SDK1: variants seen among roughly 807,000 people sequenced by gnomAD.
SDK1 encodes sidekick cell adhesion molecule 1, also known as protein sidekick-1.
SDK1 carries 157 observed loss-of-function variants against 245.5 expected under a neutral mutation model. The observed-to-expected ratio is 0.64, with a 90% CI of 0.56 to 0.73. The LOEUF (loss-of-function observed/expected upper bound fraction) is 0.73, where lower values mean the gene tolerates loss of function less well. Ranked by LOEUF, SDK1 falls within the 30% of genes least tolerant of loss-of-function variation. SDK1 has a pLI of 0.00. For synonymous variants in SDK1, 1,647 were observed against 1,278.5 expected, an observed-to-expected ratio of 1.29 and a Z score of -6.15; for missense variants, 3,583 against 3,002.3, an observed-to-expected ratio of 1.19 and a Z score of -4.52.
At chr7:3,516,162 T>C (rs1379455230) in intron 1 of SDK1, among the ~76,000 whole-genome samples, 3 of 151,544 alleles carry the variant, frequency 2.0e-5, no homozygotes. Flanking sequence ...TTTGCATGTA[T>C]ATAAACATAT....
At chr7:3,512,633 G>C (rs1432981785) in intron 1 of SDK1, among the ~76,000 whole-genome samples, 1 of 152,162 alleles carries the variant, frequency 6.6e-6, no homozygotes, top group East Asian at 1.9e-4. Flanking sequence ...GTGTTGTCTG[G>C]ATTTTGGCCA....
intron 1 of SDK1, among the ~76,000 whole-genome samples, chr7:3,315,420 T>C (rs1043461435): frequency 6.6e-6 from 1 of 152,154 alleles, no homozygotes; most frequent in Non-Finnish European, 1.5e-5. Flanking sequence ...CACCCCTGTC[T>C]CTGGAGCCCC....
chr7:3,395,531 C>T (rs1184759577), intron 1 of SDK1, among the ~76,000 whole-genome samples: 2 of 151,774 alleles, frequency 1.3e-5, no homozygotes, highest in Non-Finnish European at 2.9e-5. Context: ...CTTAAATCTA[C>T]TTCTTATACT....
chr7:3,521,185 C>T (rs1028255817), intron 1 of SDK1, among the ~76,000 whole-genome samples: 3 of 152,124 alleles, frequency 2.0e-5, no homozygotes, highest in African/African-American at 7.2e-5. Context: ...TCCATGTGAC[C>T]CTGTCCAGCA....
intron 1 of SDK1, among the ~76,000 whole-genome samples, chr7:3,586,992 G>A (rs1780711790): frequency 6.6e-6 from 1 of 152,080 alleles, no homozygotes; most frequent in African/African-American, 2.4e-5. Flanking sequence ...ACAGCATAGT[G>A]CTAACTTGAG....
At chr7:3,634,475 ACT>A (rs755177224) in intron 2 of SDK1, among the ~76,000 whole-genome samples, 12 of 152,176 alleles carry the variant, frequency 7.9e-5, no homozygotes, top group Admixed American at 1.3e-4. Flanking sequence ...CCTGGAAAAC[ACT>A]GTGTTAGTTG....
chr7:4,056,410 C>A (rs542151531), intron 19 of SDK1, among the ~76,000 whole-genome samples: 2 of 152,178 alleles, frequency 1.3e-5, no homozygotes, highest in Admixed American at 6.5e-5. Flanking sequence ...ACAAGAACAG[C>A]AAGTAGGTAA....
intron 2 of SDK1, among the ~76,000 whole-genome samples, chr7:3,633,642 T>C (rs1392156379): frequency 2.0e-5 from 3 of 152,180 alleles, no homozygotes; most frequent in Non-Finnish European, 2.9e-5. Context: ...CTACGATATA[T>C]TATTTAGGTT....
At chr7:3,489,623 A>C (rs1250608854) in intron 1 of SDK1, among the ~76,000 whole-genome samples, 1 of 152,166 alleles carries the variant, frequency 6.6e-6, no homozygotes, top group African/African-American at 2.4e-5. Flanking sequence ...AGATGTGATT[A>C]GCTACCCAGT....
In SDK1 at chr7:3,918,206, G is replaced by A. The variant is rs550313761; in HGVS notation, c.848-32717G>A. The stretch of plus-strand genomic sequence containing the variant: ...CTCAACACCGCGGTACCCTGGAGCA[G>A]GGGTTCCCAACCCCCCCAGCCACAG... On this transcript the variant is annotated intron_variant, in intron 5 of 44. Coordinates refer to ENST00000404826, the MANE Select transcript of SDK1 (RefSeq NM_152744.4). Among the ~76,000 whole-genome samples the A allele has an allele frequency of 2.6e-5, 4 of 152,290 alleles. No individual in the cohort carries two copies. In the East Asian group the frequency reaches 7.7e-4, roughly 29 times the overall value.
At position 4,157,623 on chromosome 7, in the gene SDK1, C is replaced by T. The variant is rs369255535; in HGVS notation, c.4626-825C>T. Among the ~76,000 whole-genome samples, 71 of 152,190 alleles carry T rather than the reference C, an allele frequency of 4.7e-4. No individual in the cohort carries two copies. In the South Asian group the frequency reaches 0.014, roughly 30 times the overall value. Reference sequence around the variant, plus strand: ...ACATGAGTCCCGTTAAAATCTCCGTCGACGGGCTGGGGGTATTTTTCACTT... The same window carrying T: ...ACATGAGTCCCGTTAAAATCTCCGTTGACGGGCTGGGGGTATTTTTCACTT... On this transcript the variant is annotated intron_variant, in intron 30 of 44. Transcript: ENST00000404826.
At chr7:3,855,963 A>G (rs1276618098) in intron 5 of SDK1, among the ~76,000 whole-genome samples, 2 of 152,234 alleles carry the variant, frequency 1.3e-5, no homozygotes, top group Admixed American at 1.3e-4. Context: ...GCAGTAAAAA[A>G]GCTGCATAAA....
intron 4 of SDK1, among the ~76,000 whole-genome samples, chr7:3,812,926 G>A (rs1779420464): frequency 6.6e-6 from 1 of 152,082 alleles, no homozygotes. Context: ...CGAGAAACAG[G>A]TTTCCCAAAT....
chr7:3,731,303 G>A (rs985392750), intron 4 of SDK1, among the ~76,000 whole-genome samples: 1 of 152,150 alleles, frequency 6.6e-6, no homozygotes, highest in Non-Finnish European at 1.5e-5. Context: ...ACATACAAGT[G>A]CTTCTACAAG....
intron 34 of SDK1, among the ~76,000 whole-genome samples, chr7:4,177,351 G>T (rs1307305652): frequency 6.6e-6 from 1 of 152,202 alleles, no homozygotes; most frequent in Non-Finnish European, 1.5e-5. Context: ...ACCAGTGGGA[G>T]AACCTTCCAG....
chr7:3,480,683 T>G (rs1583922847), intron 1 of SDK1, among the ~76,000 whole-genome samples: 1 of 152,350 alleles, frequency 6.6e-6, no homozygotes, highest in East Asian at 1.9e-4. Context: ...AGCGTGCATA[T>G]GGATTGTAGT....
intron 1 of SDK1, among the ~76,000 whole-genome samples, chr7:3,500,032 G>C (rs1180959495): frequency 6.6e-6 from 1 of 152,200 alleles, no homozygotes; most frequent in Non-Finnish European, 1.5e-5. Context: ...AGTAGCCATA[G>C]GAGTCCTGGT....
intron 1 of SDK1, among the ~76,000 whole-genome samples, chr7:3,394,912 T>C (rs1057367305): frequency 1.3e-5 from 2 of 152,026 alleles, no homozygotes; most frequent in Non-Finnish European, 2.9e-5. Context: ...TGTGGACTCT[T>C]TGGGGTTTTC....
intron 2 of SDK1, among the ~76,000 whole-genome samples, 170 bp downstream of exon 2, chr7:3,619,409 G>A (rs969522397): frequency 6.6e-6 from 1 of 152,194 alleles, no homozygotes; most frequent in African/African-American, 2.4e-5. Flanking sequence ...TTACTATTCT[G>A]ATATAGGTTG....
Sources: gnomAD v4.1 joint callset for allele counts (sites outside exome capture counted in the v4.1 genomes callset) on GRCh38, gnomAD v4.1.1 for gene constraint, MANE v1.5 for transcripts, NCBI Gene and HGNC (gene_info 2026-07-23, HGNC 2026-07-21) for gene names.